Variants in SLC39A10 observed in about 807,000 individuals in gnomAD.
The protein encoded by SLC39A10 is zinc transporter ZIP10.
A neutral mutation model predicts 65.1 loss-of-function variants in SLC39A10; 13 were observed. The observed-to-expected ratio is 0.20, with a 90% confidence interval of 0.13 to 0.32. The LOEUF (loss-of-function observed/expected upper bound fraction) is 0.32, where lower values mean the gene tolerates loss of function less well. Among genes scored for constraint, SLC39A10 ranks in the 10% least tolerant of loss-of-function variants. SLC39A10 has a pLI of 1.00. For missense variants in SLC39A10, 831 were observed against 1,018.4 expected (o/e 0.82, Z 2.50); for synonymous variants, 321 against 342.2 (o/e 0.94, Z 0.68).
At chr2:195,655,432 G>C (rs933416325), upstream of SLC39A10, among the ~76,000 whole-genome samples, 19 of 152,166 alleles carry the variant, frequency 1.2e-4, no homozygotes, top group African/African-American at 4.6e-4. Context: ...GAAAGGTTAT[G>C]TATGTTTTAA....
At chr2:195,617,452 C>T (rs1336752973) in intron 2 of SLC39A10, among the ~76,000 whole-genome samples, 1 of 151,984 alleles carries the variant, frequency 6.6e-6, no homozygotes, top group African/African-American at 2.4e-5. Context: ...GTCCCAGCTA[C>T]TCGGGAGGCT....
At chr2:195,663,894 C>T (rs954580416) in intron 1 of SLC39A10, among the ~76,000 whole-genome samples, 2 of 151,046 alleles carry the variant, frequency 1.3e-5, no homozygotes, top group East Asian at 1.9e-4. Flanking sequence ...ATGAATGATC[C>T]TGTCATCCAG....
chr2:195,631,520 AT>A (rs1274316700), intron 2 of SLC39A10, among the ~76,000 whole-genome samples: 7 of 152,308 alleles, frequency 4.6e-5, no homozygotes, highest in African/African-American at 1.4e-4. Flanking sequence ...TTTCCAAAAA[AT>A]ATCCTTAAAA....
Position 195,680,309 on chromosome 2 carries a change from G to A in SLC39A10, c.267G>A (p.Leu89=). 2 of 1,614,112 alleles carry A rather than the reference G, an allele frequency of 1.2e-6. No homozygotes were observed. The highest frequency in any genetic ancestry group is 2.2e-5 in the South Asian group (2 of 91,058). The change falls in exon 2 of 10, where the codon TTG becomes TTA. Residue 89 remains leucine, a synonymous_variant. Coordinates refer to ENST00000359634, the MANE Select transcript of SLC39A10 (RefSeq NM_020342.3). ...GTTTGGAGAAACTTTTAACAAACTTGGGCCTTGGAGAGAGAAAAGTAGTTG... is the reference window on the plus strand; with the variant it reads ...GTTTGGAGAAACTTTTAACAAACTTAGGCCTTGGAGAGAGAAAAGTAGTTG... ...FFGLEKLLTN[L]GLGERKVVEI... is the part of the protein sequence containing the mutation.
chr2:195,734,738 G>C (rs959447475), intron 9 of SLC39A10, 145 bp from the exon 10 acceptor site: 1 of 755,304 alleles, frequency 1.3e-6, no homozygotes, highest in Non-Finnish European at 2.0e-6. Context: ...AATACATCTG[G>C]TGGGTAGCAT....
chr2:195,642,474 T>C (rs1329630698), intron 2 of SLC39A10, among the ~76,000 whole-genome samples: 1 of 152,138 alleles, frequency 6.6e-6, no homozygotes, highest in Non-Finnish European at 1.5e-5. Context: ...AATGGCAGGA[T>C]TGAGAAACAA....
At chr2:195,685,462 T>G (rs1559033659) in intron 3 of SLC39A10, among the ~76,000 whole-genome samples, 1 of 152,132 alleles carries the variant, frequency 6.6e-6, no homozygotes, top group East Asian at 1.9e-4. Flanking sequence ...AGGCTTTCCG[T>G]AATATGATCC....
chr2:195,687,406 A>AT lies in SLC39A10; in HGVS notation c.1216+3502dup, dbSNP rs548906768. Reference sequence around the variant, plus strand: ...ATGACTTTTAATGAGAGTTGTCTGTATTGTAATATTGCCATAATCAATATA... The same window carrying AT: ...ATGACTTTTAATGAGAGTTGTCTGTATTTGTAATATTGCCATAATCAATATA... On this transcript the variant is annotated intron_variant, in intron 3 of 9. Coordinates refer to ENST00000359634, the MANE Select transcript of SLC39A10 (RefSeq NM_020342.3). Among the ~76,000 whole-genome samples, 671 of 152,216 alleles carry AT rather than the reference A, an allele frequency of 4.4e-3. 5 individuals are homozygous for AT. The highest frequency in any genetic ancestry group is 7.6e-3 in the Non-Finnish European group (515 of 68,006).
At chr2:195,667,923 ATATG>A (rs1159486196) in intron 1 of SLC39A10, among the ~76,000 whole-genome samples, 5 of 152,244 alleles carry the variant, frequency 3.3e-5, no homozygotes, top group Admixed American at 2.0e-4. Context: ...TTTTACAAAA[ATATG>A]TACGTAATTT....
Position 195,680,928 on chromosome 2 carries a change from G to A in SLC39A10, c.886G>A (p.Asp296Asn), listed in dbSNP as rs763050449. The change falls in exon 2 of 10, where the codon GAT becomes AAT. Residue 296 changes from aspartate (D) to asparagine (N), a missense_variant. Transcript: ENST00000359634. The part of the protein sequence containing the change: ...NGHDPGRGHQ[D>N]LDPDNEGELR... ...TCATGATCCTGGTCGTGGACACCAAGATCTTGATCCTGATAATGAAGGTGA... is the reference window on the plus strand; with the variant it reads ...TCATGATCCTGGTCGTGGACACCAAAATCTTGATCCTGATAATGAAGGTGA... The A allele has an allele frequency of 2.5e-6, 4 of 1,614,088 alleles. No homozygotes were observed. Among genetic ancestry groups the A allele is most frequent in the Non-Finnish European group, 3.4e-6 (4 of 1,180,030 alleles).
intron 2 of SLC39A10, among the ~76,000 whole-genome samples, chr2:195,642,229 C>A (rs565732770): frequency 2.2e-4 from 34 of 152,058 alleles, no homozygotes; most frequent in Non-Finnish European, 4.0e-4. Context: ...ATGATAATAA[C>A]CTTAACCAGC....
intron 1 of SLC39A10, among the ~76,000 whole-genome samples, chr2:195,661,874 C>A (rs1319306216): frequency 1.3e-5 from 2 of 152,004 alleles, no homozygotes; most frequent in Non-Finnish European, 2.9e-5. Context: ...TTTGTCATAA[C>A]CTTTTATAAT....
intron 3 of SLC39A10, among the ~76,000 whole-genome samples, chr2:195,696,500 CAA>C (rs980662850): frequency 1.3e-5 from 2 of 151,808 alleles, no homozygotes; most frequent in South Asian, 2.1e-4. Context: ...AAAAATAATA[CAA>C]GAGTAAAAAA....
intron 1 of SLC39A10, among the ~76,000 whole-genome samples, chr2:195,679,179 C>T (rs1559029660): frequency 6.6e-6 from 1 of 152,160 alleles, no homozygotes; most frequent in African/African-American, 2.4e-5. Flanking sequence ...GTTCTGGACA[C>T]TTTATCATTT....
chr2:195,680,472 A>G lies in SLC39A10; in HGVS notation c.430A>G (p.Ser144Gly). Residue 144 changes from serine to glycine, a missense_variant, in exon 2 of 10, where the codon AGT becomes GGT. Physicochemically the swap from Ser to Gly is moderately conservative, Grantham distance 56. Coordinates refer to ENST00000359634, the MANE Select transcript of SLC39A10 (RefSeq NM_020342.3). ...AAATTCAGAAAATCAAACTGTGACC[A>G]GTGTATCCACAAAAAGAAACCATAA... Reference protein sequence around the residue: ...HLNSENQTVTSVSTKRNHKCD... With the variant: ...HLNSENQTVTGVSTKRNHKCD... 1.2e-6 allele frequency: 2 copies of G among 1,614,214 alleles called. No homozygotes were observed. Among genetic ancestry groups the G allele is most frequent in the Non-Finnish European group, 1.7e-6 (2 of 1,180,036 alleles).
chr2:195,684,490 C>T (rs1690449047), intron 3 of SLC39A10, among the ~76,000 whole-genome samples: 2 of 152,138 alleles, frequency 1.3e-5, no homozygotes, highest in Admixed American at 6.5e-5. Context: ...TTGGTGTTCA[C>T]AGGTACCTCC....
rs181957913 is a variant in SLC39A10, at chr2:195,630,415, A to C, written c.-12+24182A>C. Among the ~76,000 whole-genome samples, 528 of 152,254 alleles carry C rather than the reference A, an allele frequency of 3.5e-3. 2 individuals carry two copies. Among genetic ancestry groups the C allele is most frequent in the African/African-American group, 0.012 (508 of 41,548 alleles). On this transcript the variant is annotated intron_variant, in intron 2 of 2. Transcript: ENST00000458054. ...GGCACACTACCCTCCAAGAACCTCC[A>C]AGTATTCCGCTATTCGGAAGCTCTG...
chr2:195,730,795 A>G (rs1692411085), intron 9 of SLC39A10, among the ~76,000 whole-genome samples: 1 of 152,140 alleles, frequency 6.6e-6, no homozygotes, highest in African/African-American at 2.4e-5. Flanking sequence ...CAACACTACT[A>G]CTTGACCAGC....
intron 8 of SLC39A10, among the ~76,000 whole-genome samples, chr2:195,724,484 GAAATA>G (rs1692164447): frequency 1.3e-5 from 2 of 152,074 alleles, no homozygotes; most frequent in Non-Finnish European, 2.9e-5. Flanking sequence ...ATTTTAAAAT[GAAATA>G]ATTCACTTGA....
Sources: gnomAD v4.1 joint callset for allele counts (sites outside exome capture counted in the v4.1 genomes callset) on GRCh38, gnomAD v4.1.1 for gene constraint, MANE v1.5 for transcripts, NCBI Gene and HGNC (gene_info 2026-07-23, HGNC 2026-07-21) for gene names.